C5orf46: variants seen among roughly 807,000 people sequenced by gnomAD.
The protein encoded by C5orf46 is chromosome 5 open reading frame 46.
A neutral mutation model predicts 8.9 loss-of-function variants in C5orf46; 9 were observed. The ratio of observed to expected loss-of-function variants is 1.01; its 90% confidence interval spans 0.61 to 1.76. The LOEUF is 1.76. Among genes scored for constraint, C5orf46 ranks in the 40% most tolerant of loss-of-function variants. The pLI is 0.00. For missense variants in C5orf46, 98 were observed against 107.8 expected (o/e 0.91, Z 0.40); for synonymous variants, 47 against 41.4 (o/e 1.14, Z -0.52).
chr5:147,897,571 G>A (rs540787706), intron 2 of C5orf46, among the ~76,000 whole-genome samples: 66 of 152,262 alleles, frequency 4.3e-4, no homozygotes, highest in Middle Eastern at 3.4e-3. Flanking sequence ...TGCTGAGATC[G>A]TAAAAGATAA....
chr5:147,891,977 C>T (rs1411142616), downstream of C5orf46, among the ~76,000 whole-genome samples: 1 of 152,172 alleles, frequency 6.6e-6, no homozygotes, highest in Non-Finnish European at 1.5e-5. Flanking sequence ...ATTAAACATA[C>T]ATTTGAGTTA....
At chr5:147,899,833 G>A (rs1757640502) in intron 2 of C5orf46, among the ~76,000 whole-genome samples, 2 of 152,116 alleles carry the variant, frequency 1.3e-5, no homozygotes, top group Admixed American at 1.3e-4. Flanking sequence ...TTTTAGTAAG[G>A]AGGGAGAGCA....
intron 2 of C5orf46, chr5:147,886,702 G>T (rs993515800): frequency 6.7e-6 from 1 of 149,574 alleles, no homozygotes; most frequent in African/African-American, 2.5e-5. Flanking sequence ...TATTTAAATT[G>T]TTATCTATGT....
intron 1 of C5orf46, among the ~76,000 whole-genome samples, chr5:147,905,318 G>A (rs554488380): frequency 2.6e-5 from 4 of 152,188 alleles, no homozygotes; most frequent in African/African-American, 4.8e-5. Context: ...TAGTTATCCC[G>A]TTTTACAGAT....
intron 2 of C5orf46, 75 bp downstream of exon 2, chr5:147,901,554 T>C: frequency 7.4e-7 from 1 of 1,355,680 alleles, no homozygotes; most frequent in Non-Finnish European, 1.0e-6. Context: ...TCATGTATTT[T>C]AATGCCATGA....
At chr5:147,891,419 A>G (rs1314773601), downstream of C5orf46, among the ~76,000 whole-genome samples, 1 of 152,186 alleles carries the variant, frequency 6.6e-6, no homozygotes, top group Admixed American at 6.5e-5. Context: ...AGCAGTTGGG[A>G]AATCTTCAAA....
chr5:147,887,930 AG>A (rs550228476), downstream of C5orf46, among the ~76,000 whole-genome samples: 389 of 152,308 alleles, frequency 2.6e-3, 8 homozygotes, highest in Middle Eastern at 0.038. Flanking sequence ...TTCAGTGCAC[AG>A]GTGGCAGCAG....
At position 147,906,464 on chromosome 5, in the gene C5orf46, C is replaced by A. The variant is rs760143397; in HGVS notation, c.38G>T (p.Gly13Val). The part of the protein sequence containing the change: ...VSVLRLTVVL[G>V]LLVLFLTCYA... ...GCAGGTCAGGAATAAGACAAGCAGT[C>A]CCAGGACAACTGTCAGGCGAAGTAC... The change falls in exon 1 of 4, where the codon GGA becomes GTA. Residue 13 changes from glycine (G) to valine (V), a missense_variant. By Grantham distance (109) the Gly-to-Val change is moderately radical. Transcript: ENST00000318315. 10 of 1,611,750 alleles carry A rather than the reference C, an allele frequency of 6.2e-6. No individual in the cohort carries two copies. Among genetic ancestry groups the A allele is most frequent in the Non-Finnish European group, 7.6e-6 (9 of 1,178,656 alleles).
At chr5:147,893,912 T>TC (rs1580982175) in intron 3 of C5orf46, among the ~76,000 whole-genome samples, 2 of 152,054 alleles carry the variant, frequency 1.3e-5, no homozygotes, top group East Asian at 3.9e-4. Context: ...GGCATATTTT[T>TC]TTTTTTTTTG....
At chr5:147,892,354 G>T (rs1229329478), downstream of C5orf46, among the ~76,000 whole-genome samples, 1 of 152,182 alleles carries the variant, frequency 6.6e-6, no homozygotes, top group Non-Finnish European at 1.5e-5. Context: ...GGAAGGCAAT[G>T]ATTTTATTAA....
chr5:147,901,387 G>GAAAA, intron 2 of C5orf46: 1 of 248,926 alleles, frequency 4.0e-6, no homozygotes. Flanking sequence ...AGATTAAAAA[G>GAAAA]AAAAAAAAAA....
intron 3 of C5orf46, among the ~76,000 whole-genome samples, chr5:147,896,227 T>G (rs1186867116): frequency 1.3e-5 from 2 of 152,182 alleles, no homozygotes; most frequent in Admixed American, 6.5e-5. Context: ...TCAGGCTGCT[T>G]AAATTCAAAT....
At chr5:147,900,705 A>AGGG (rs1004510888) in intron 2 of C5orf46, among the ~76,000 whole-genome samples, 1 of 152,198 alleles carries the variant, frequency 6.6e-6, no homozygotes, top group Non-Finnish European at 1.5e-5. Context: ...AATTCCCCCA[A>AGGG]GGGATTCTGT....
At chr5:147,890,559 G>A (rs181038424), downstream of C5orf46, among the ~76,000 whole-genome samples, 10 of 152,190 alleles carry the variant, frequency 6.6e-5, no homozygotes, top group East Asian at 3.9e-4. Flanking sequence ...GAATATAGAC[G>A]TATTAGGGCA....
At position 147,906,522 on chromosome 5, in the gene C5orf46, G is replaced by A. The variant is rs768470750; in HGVS notation, c.-21C>T. On this transcript the variant is annotated 5_prime_UTR_variant, in exon 1 of 4. The change creates a new upstream start codon in the 5' untranslated region. Transcript: ENST00000318315. ...GCCATTCTGGTAGCACGGGGTATTCGTGCAGATAAATTGTTCAGATACATG... is the reference window on the plus strand; with the variant it reads ...GCCATTCTGGTAGCACGGGGTATTCATGCAGATAAATTGTTCAGATACATG... 8.2e-6 allele frequency: 13 copies of A among 1,580,154 alleles called. No homozygotes were observed. The highest frequency in any genetic ancestry group is 6.7e-5 in the South Asian group (6 of 89,312).
chr5:147,896,837 AATAT>A, intron 3 of C5orf46, 143 bp downstream of exon 3: 1 of 429,964 alleles, frequency 2.3e-6, no homozygotes, highest in Non-Finnish European at 4.3e-6. Flanking sequence ...ACATGAAAAA[AATAT>A]ATTCATTTAT....
intron 2 of C5orf46, among the ~76,000 whole-genome samples, chr5:147,899,646 G>C (rs907146812): frequency 1.3e-5 from 2 of 152,158 alleles, no homozygotes; most frequent in African/African-American, 4.8e-5. Context: ...AAATAAATAA[G>C]TCATTTCGGA....
intron 1 of C5orf46, among the ~76,000 whole-genome samples, chr5:147,905,101 C>T (rs1757730291): frequency 6.6e-6 from 1 of 151,636 alleles, no homozygotes; most frequent in Non-Finnish European, 1.5e-5. Flanking sequence ...GATTGATATC[C>T]TAGAAACAAT....
intron 2 of C5orf46, among the ~76,000 whole-genome samples, chr5:147,898,214 G>C (rs921170125): frequency 6.6e-6 from 1 of 152,226 alleles, no homozygotes; most frequent in African/African-American, 2.4e-5. Flanking sequence ...AAGGAACTTG[G>C]GAAAGAGATG....
Sources: allele counts gnomAD v4.1 joint callset (sites outside exome capture counted in the v4.1 genomes callset), GRCh38; gene constraint gnomAD v4.1.1; transcripts MANE v1.5; gene names NCBI Gene and HGNC (gene_info 2026-07-23, HGNC 2026-07-21).